The following WDR7 variants were observed in gnomAD, a reference collection of about 807,000 sequenced individuals.
The protein encoded by WDR7 is WD repeat-containing protein 7.
Under a neutral mutation model 169.4 loss-of-function variants are expected in WDR7, and 46 were observed. The observed-to-expected ratio is 0.27, with a 90% CI of 0.21 to 0.35. The LOEUF (loss-of-function observed/expected upper bound fraction) is 0.35, where lower values mean the gene tolerates loss of function less well. Ranked by LOEUF, WDR7 falls within the 10% of genes least tolerant of loss-of-function variation. The pLI is 1.00. For missense variants in WDR7, 1,534 were observed against 1,859.3 expected (o/e 0.83, Z 3.22); for synonymous variants, 612 against 666.8 (o/e 0.92, Z 1.27).
chr18:56,971,468 T>C (rs2047485101), intron 26 of WDR7, among the ~76,000 whole-genome samples: 2 of 152,048 alleles, frequency 1.3e-5, no homozygotes, highest in South Asian at 4.2e-4. Context: ...AAAAAGTAAA[T>C]ATGAACTGTT....
intron 21 of WDR7, among the ~76,000 whole-genome samples, chr18:56,907,090 T>C (rs1363285141): frequency 6.6e-6 from 1 of 152,208 alleles, no homozygotes; most frequent in African/African-American, 2.4e-5. Context: ...TTTCCAAGTC[T>C]GTGTGTTTTT....
At chr18:57,003,297 C>A (rs974309233) in intron 26 of WDR7, among the ~76,000 whole-genome samples, 5 of 151,946 alleles carry the variant, frequency 3.3e-5, no homozygotes, top group African/African-American at 9.7e-5. Flanking sequence ...CAATTTAAGA[C>A]TAATGCTATG....
At chr18:56,803,507 AT>A (rs1186067450) in intron 19 of WDR7, among the ~76,000 whole-genome samples, 2 of 152,130 alleles carry the variant, frequency 1.3e-5, no homozygotes, top group African/African-American at 2.4e-5. Context: ...CAAATATCTT[AT>A]TTATAAACAT....
At chr18:56,906,541 CTTCTT>C (rs1447442000) in intron 21 of WDR7, among the ~76,000 whole-genome samples, 3 of 115,488 alleles carry the variant, frequency 2.6e-5, no homozygotes, top group Admixed American at 2.3e-4. Context: ...TCTTTCTTTC[CTTCTT>C]TTTTTTTTTT....
At chr18:56,738,829 A>G (rs1027719216) in intron 14 of WDR7, among the ~76,000 whole-genome samples, 6 of 88,980 alleles carry the variant, frequency 6.7e-5, no homozygotes, top group Middle Eastern at 7.9e-3. Flanking sequence ...TTTTTGCAAA[A>G]TGTGTTGTTT....
At chr18:56,966,157 A>G (rs1599200950) in intron 26 of WDR7, among the ~76,000 whole-genome samples, 1 of 152,148 alleles carries the variant, frequency 6.6e-6, no homozygotes, top group South Asian at 2.1e-4. Flanking sequence ...GGGACAATTG[A>G]GGATTTATAA....
chr18:56,906,210 CT>C (rs1301610770), intron 21 of WDR7, among the ~76,000 whole-genome samples: 1 of 152,128 alleles, frequency 6.6e-6, no homozygotes, highest in Non-Finnish European at 1.5e-5. Context: ...CTAGAAAACA[CT>C]TTAAATATTG....
At chr18:57,026,968 T>A (rs1200665704) in intron 27 of WDR7, 36 bp from the exon 28 acceptor site, 2 of 1,594,896 alleles carry the variant, frequency 1.3e-6, no homozygotes, top group Non-Finnish European at 1.7e-6. Flanking sequence ...GGGAGAGGGC[T>A]GTTCAAGTGA....
chr18:56,920,767 A>G (rs1258524644), intron 21 of WDR7, among the ~76,000 whole-genome samples: 1 of 152,236 alleles, frequency 6.6e-6, no homozygotes, highest in Non-Finnish European at 1.5e-5. Context: ...CTTTTATTCA[A>G]TACCAACTGT....
rs370338155 is a variant in WDR7 at position 56,694,915 on chromosome 18, A to G, written c.1109-35A>G. 3.2e-6 allele frequency: 5 copies of G among 1,573,368 alleles called. No homozygotes were observed. In the African/African-American group the frequency reaches 4.1e-5, roughly 13 times the overall value. On this transcript the variant is annotated intron_variant, in intron 10 of 27. Transcript: ENST00000254442. The stretch of plus-strand genomic sequence containing the variant: ...TTTAAATTTTTTTTAACATGCACAA[A>G]TGTTTTTCTTTTATACAAAACCAAA...
intron 2 of WDR7, among the ~76,000 whole-genome samples, chr18:56,673,227 G>A (rs750235443): frequency 8.6e-5 from 13 of 151,770 alleles, no homozygotes; most frequent in Admixed American, 3.3e-4. Flanking sequence ...ACACCACAGC[G>A]TTTATCCTAC....
At chr18:56,915,071 GTTA>G (rs2046606970) in intron 21 of WDR7, among the ~76,000 whole-genome samples, 1 of 152,134 alleles carries the variant, frequency 6.6e-6, no homozygotes, top group Non-Finnish European at 1.5e-5. Flanking sequence ...TAATTTAACA[GTTA>G]TTGTATGCTT....
chr18:56,835,739 T>C (rs917227103), intron 20 of WDR7, among the ~76,000 whole-genome samples: 3 of 152,224 alleles, frequency 2.0e-5, no homozygotes, highest in African/African-American at 7.2e-5. Context: ...TGTCTTATGT[T>C]ACTAGGTTTT....
intron 26 of WDR7, among the ~76,000 whole-genome samples, chr18:56,992,558 G>A (rs2047833055): frequency 6.6e-6 from 1 of 152,158 alleles, no homozygotes; most frequent in Non-Finnish European, 1.5e-5. Flanking sequence ...CTCTGAAAAG[G>A]TCTATGTCTT....
intron 19 of WDR7, among the ~76,000 whole-genome samples, chr18:56,798,749 A>G (rs2145149346): frequency 6.6e-6 from 1 of 152,284 alleles, no homozygotes; most frequent in South Asian, 2.1e-4. Flanking sequence ...TTCTTAATAA[A>G]TGGATTATAT....
intron 25 of WDR7, among the ~76,000 whole-genome samples, chr18:56,950,910 TCCTCTTA>T (rs1305336592): frequency 1.3e-5 from 2 of 152,208 alleles, no homozygotes; most frequent in African/African-American, 4.8e-5. Flanking sequence ...ATAGATGACG[TCCTCTTA>T]AATGTGTCAG....
chr18:56,760,463 G>C (rs933446184), intron 16 of WDR7, among the ~76,000 whole-genome samples: 2 of 152,044 alleles, frequency 1.3e-5, no homozygotes, highest in African/African-American at 4.8e-5. Context: ...TATATTTTGT[G>C]CTTGTCTTTT....
intron 26 of WDR7, among the ~76,000 whole-genome samples, chr18:56,999,553 G>A (rs1168220810): frequency 6.6e-6 from 1 of 151,996 alleles, no homozygotes; most frequent in African/African-American, 2.4e-5. Context: ...CCCTATATTA[G>A]TCTGGGCTAT....
At chr18:56,760,967 A>G (rs2043972260) in intron 16 of WDR7, among the ~76,000 whole-genome samples, 1 of 152,156 alleles carries the variant, frequency 6.6e-6, no homozygotes, top group Non-Finnish European at 1.5e-5. Context: ...CTACTGTTTA[A>G]ACACATTTTA....
Sources: allele counts gnomAD v4.1 joint callset (sites outside exome capture counted in the v4.1 genomes callset), GRCh38; gene constraint gnomAD v4.1.1; transcripts MANE v1.5; gene names NCBI Gene and HGNC (gene_info 2026-07-23, HGNC 2026-07-21).